The following MNAT1 variants were observed in gnomAD, a reference collection of about 807,000 sequenced individuals.
The protein encoded by MNAT1 is CDK-activating kinase assembly factor MAT1.
In MNAT1, 43 loss-of-function variants were observed where a neutral mutation model predicts 42.0. The observed-to-expected ratio is 1.02, with a 90% CI of 0.80 to 1.32. The LOEUF is 1.32. MNAT1 is among the 40% of genes most tolerant of loss of function. The pLI, the probability that MNAT1 is intolerant of heterozygous loss-of-function variation, is 0.00. For missense variants in MNAT1, 306 were observed against 350.4 expected (o/e 0.87, Z 1.01); for synonymous variants, 118 against 120.0 (o/e 0.98, Z 0.11).
At chr14:60,855,851 T>C (rs189121897) in intron 6 of MNAT1, among the ~76,000 whole-genome samples, 90 of 152,322 alleles carry the variant, frequency 5.9e-4, no homozygotes, top group Admixed American at 3.9e-3. Flanking sequence ...TGTTTTAGGC[T>C]GCCAGGAACC....
chr14:60,864,991 T>G (rs534152767), intron 6 of MNAT1, among the ~76,000 whole-genome samples: 1 of 152,124 alleles, frequency 6.6e-6, no homozygotes, highest in South Asian at 2.1e-4. Flanking sequence ...ACGAGGACAT[T>G]TGTTATGTAG....
intron 6 of MNAT1, among the ~76,000 whole-genome samples, chr14:60,853,475 A>G (rs893039964): frequency 1.3e-5 from 2 of 152,142 alleles, no homozygotes; most frequent in African/African-American, 4.8e-5. Flanking sequence ...TAAATATACA[A>G]TCATGTCATC....
rs572327151 is a variant in MNAT1 at position 60,770,672 on chromosome 14, A to C, written c.90-25545A>C. 4.0e-4 allele frequency among the ~76,000 whole-genome samples: 61 copies of C among 152,288 alleles called. 2 individuals are homozygous for C. In the South Asian group the frequency reaches 0.012, roughly 31 times the overall value. On this transcript the variant is annotated intron_variant, in intron 1 of 7. Coordinates refer to ENST00000261245, the MANE Select transcript of MNAT1 (RefSeq NM_002431.4). ...AACCCAGCAGTGGGATTGTGGGATCATATGGTAGTTTTATTTTCAATTTTT... is the reference window on the plus strand; with the variant it reads ...AACCCAGCAGTGGGATTGTGGGATCCTATGGTAGTTTTATTTTCAATTTTT...
At chr14:60,806,984 G>A (rs927870369) in intron 3 of MNAT1, among the ~76,000 whole-genome samples, 57 of 152,164 alleles carry the variant, frequency 3.7e-4, no homozygotes, top group Non-Finnish European at 5.4e-4. Context: ...ATCCTAGCCA[G>A]ATTCCCTGAC....
intron 7 of MNAT1, among the ~76,000 whole-genome samples, chr14:60,885,836 C>T (rs559579152): frequency 2.0e-5 from 3 of 151,990 alleles, no homozygotes; most frequent in East Asian, 3.9e-4. Context: ...AAAACCATTG[C>T]CAAAGTTAAC....
At chr14:60,813,104 T>C (rs2032603838) in intron 5 of MNAT1, among the ~76,000 whole-genome samples, 1 of 152,218 alleles carries the variant, frequency 6.6e-6, no homozygotes. Flanking sequence ...GCTTTGGGGT[T>C]GTGGGCCCCC....
chr14:60,878,150 C>T (rs974863075), intron 6 of MNAT1, among the ~76,000 whole-genome samples: 3 of 151,892 alleles, frequency 2.0e-5, no homozygotes, highest in African/African-American at 4.8e-5. Context: ...TATGCTTGTA[C>T]ACAAGGGAAC....
rs145825725 is a variant in MNAT1, at chr14:60,939,369, A to T, written c.810-28860A>T. 2.6e-3 allele frequency among the ~76,000 whole-genome samples: 401 copies of T among 152,148 alleles called. 2 individuals carry two copies. Among genetic ancestry groups the T allele is most frequent in the African/African-American group, 8.6e-3 (359 of 41,524 alleles). On this transcript the variant is annotated intron_variant, in intron 7 of 7. Coordinates refer to ENST00000261245, the MANE Select transcript of MNAT1 (RefSeq NM_002431.4). ...TTCCTCCTTTCTCTTGTGGGCATTT[A>T]GTCCTATAAAGTTCCCTCTACACAC...
chr14:60,836,832 C>T (rs1330923151), intron 6 of MNAT1, among the ~76,000 whole-genome samples: 1 of 152,174 alleles, frequency 6.6e-6, no homozygotes, highest in Non-Finnish European at 1.5e-5. Context: ...GCTGAAGCTG[C>T]ACCCATAGAC....
At chr14:60,920,747 T>C (rs1227963634) in intron 7 of MNAT1, among the ~76,000 whole-genome samples, 1 of 152,186 alleles carries the variant, frequency 6.6e-6, no homozygotes, top group Admixed American at 6.5e-5. Flanking sequence ...CCTCGCCTTA[T>C]ATTCTCTTAA....
At chr14:60,872,224 C>T (rs1403551567) in intron 6 of MNAT1, among the ~76,000 whole-genome samples, 3 of 152,112 alleles carry the variant, frequency 2.0e-5, no homozygotes, top group African/African-American at 7.2e-5. Flanking sequence ...TAAAAACCAG[C>T]TCTCACGTGA....
At chr14:60,777,442 C>G (rs189754040) in intron 1 of MNAT1, among the ~76,000 whole-genome samples, 17 of 152,088 alleles carry the variant, frequency 1.1e-4, no homozygotes, top group South Asian at 2.1e-4. Context: ...CCTCTCCCCC[C>G]CCAAAATTTT....
chr14:60,855,580 C>G (rs2033937697), intron 6 of MNAT1, among the ~76,000 whole-genome samples: 2 of 152,162 alleles, frequency 1.3e-5, no homozygotes, highest in Admixed American at 1.3e-4. Context: ...CCTTGCACTT[C>G]CTGGGTGGAG....
At chr14:60,776,655 A>C (rs1230630215) in intron 1 of MNAT1, among the ~76,000 whole-genome samples, 1 of 152,130 alleles carries the variant, frequency 6.6e-6, no homozygotes, top group Admixed American at 6.5e-5. Flanking sequence ...CACTGATTGA[A>C]GTGTCTGCAA....
chr14:60,967,374 A>T (rs1425276749), intron 7 of MNAT1, among the ~76,000 whole-genome samples: 1 of 152,210 alleles, frequency 6.6e-6, no homozygotes, highest in African/African-American at 2.4e-5. Context: ...AAGGTGGGTG[A>T]AGCTCCTTTA....
chr14:60,862,531 G>C (rs1166731520), intron 6 of MNAT1, among the ~76,000 whole-genome samples: 1 of 152,184 alleles, frequency 6.6e-6, no homozygotes, highest in Non-Finnish European at 1.5e-5. Flanking sequence ...GGTTCAACTT[G>C]TCCGTGAGGA....
intron 1 of MNAT1, among the ~76,000 whole-genome samples, chr14:60,786,521 T>A (rs2031657081): frequency 6.6e-6 from 1 of 152,176 alleles, no homozygotes; most frequent in African/African-American, 2.4e-5. Context: ...ATGAAAGTTA[T>A]ATCTGTTAAC....
At chr14:60,873,083 A>G (rs1457993663) in intron 6 of MNAT1, among the ~76,000 whole-genome samples, 3 of 152,086 alleles carry the variant, frequency 2.0e-5, no homozygotes, top group Non-Finnish European at 1.5e-5. Flanking sequence ...GATTTCCCCA[A>G]TTGTTGCCAA....
At position 60,861,727 on chromosome 14, in the gene MNAT1, C is replaced by CT. The variant is rs1314910532; in HGVS notation, c.688-17984dup. On this transcript the variant is annotated intron_variant, in intron 6 of 7. Coordinates refer to ENST00000261245, the MANE Select transcript of MNAT1 (RefSeq NM_002431.4). ...AGCTGATAAGCTAGTTTGAACCTGA[C>CT]TTTCAGGATAGAATACTTTTGAGGT... is the stretch of plus-strand genomic sequence containing the variant. 2.0e-5 allele frequency among the ~76,000 whole-genome samples: 3 copies of CT among 152,158 alleles called. No homozygotes were observed. In the East Asian group the frequency reaches 5.8e-4, roughly 29 times the overall value.
Sources: allele counts gnomAD v4.1 joint callset (sites outside exome capture counted in the v4.1 genomes callset), GRCh38; gene constraint gnomAD v4.1.1; transcripts MANE v1.5; gene names NCBI Gene and HGNC (gene_info 2026-07-23, HGNC 2026-07-21).